NCR1: variants seen among roughly 807,000 people sequenced by gnomAD.
The protein encoded by NCR1 is NK cell-activating receptor.
Under a neutral mutation model 32.5 loss-of-function variants are expected in NCR1, and 30 were observed. The observed-to-expected ratio is 0.92, with a 90% CI of 0.69 to 1.25. The LOEUF is 1.25. Among genes scored for constraint, NCR1 ranks in the 50% most tolerant of loss-of-function variants. NCR1 has a pLI of 0.00. For missense variants in NCR1, 369 were observed against 380.7 expected (o/e 0.97, Z 0.26); for synonymous variants, 169 against 143.4 (o/e 1.18, Z -1.28).
upstream of NCR1, among the ~76,000 whole-genome samples, chr19:54,903,549 T>G (rs1186625720): frequency 7.1e-6 from 1 of 140,512 alleles, no homozygotes; most frequent in Non-Finnish European, 1.5e-5. Context: ...TGTATGCATG[T>G]GTGTATATAT....
At chr19:54,936,510 T>C in the NCR1 span, 10 of 1,263,840 alleles carry the variant, frequency 7.9e-6, no homozygotes, top group South Asian at 1.2e-4. Flanking sequence ...CAAAAAGCTG[T>C]TTCACATTTA....
the NCR1 span, among the ~76,000 whole-genome samples, chr19:54,927,381 CAAAAAA>C: frequency 2.2e-5 from 3 of 138,772 alleles, no homozygotes; most frequent in African/African-American, 8.1e-5. Flanking sequence ...AACTCCGTCT[CAAAAAA>C]AAAAAAAGAA....
chr19:54,903,454 A>ATATATG (rs1285587105), upstream of NCR1, among the ~76,000 whole-genome samples: 21 of 117,316 alleles, frequency 1.8e-4, 1 homozygote, highest in Admixed American at 1.2e-3. Flanking sequence ...ATGTATATAC[A>ATATATG]TATATGTATG....
the NCR1 span, among the ~76,000 whole-genome samples, chr19:54,926,712 TCGAGAC>T: frequency 6.6e-6 from 1 of 151,914 alleles, no homozygotes; most frequent in South Asian, 2.1e-4. Flanking sequence ...GGTCAGGAGC[TCGAGAC>T]CAGCCTGGCC....
the NCR1 span, chr19:54,936,508 T>C: frequency 7.9e-7 from 1 of 1,266,104 alleles, no homozygotes; most frequent in African/African-American, 1.5e-5. Context: ...AACAAAAAGC[T>C]GTTTCACATT....
the NCR1 span, among the ~76,000 whole-genome samples, chr19:54,934,233 A>G: frequency 6.6e-6 from 1 of 151,650 alleles, no homozygotes; most frequent in Non-Finnish European, 1.5e-5. This position sits in a 1 kb window ranked among gnomAD's most constrained non-coding sequence, Gnocchi z 6.7. Context: ...GAGCCACCGC[A>G]CCCGGCCTGT....
the NCR1 span, chr19:54,924,008 C>T: frequency 1.1e-6 from 1 of 943,888 alleles, no homozygotes; most frequent in Non-Finnish European, 1.6e-6. Flanking sequence ...TGCTCTGTTG[C>T]CCAGGCTGGG....
At chr19:54,916,550 T>C (rs934604997), downstream of NCR1, among the ~76,000 whole-genome samples, 12 of 151,522 alleles carry the variant, frequency 7.9e-5, no homozygotes, top group African/African-American at 2.9e-4. Context: ...TCTCAGGTGA[T>C]CCACCCGCCT....
chr19:54,903,478 A>C (rs759986271), upstream of NCR1, among the ~76,000 whole-genome samples: 6 of 145,642 alleles, frequency 4.1e-5, 1 homozygote, highest in African/African-American at 1.5e-4. Flanking sequence ...ACACGGATAC[A>C]TGTATGTATA....
chr19:54,901,223 G>C (rs1007504614), upstream of NCR1, among the ~76,000 whole-genome samples: 3 of 151,252 alleles, frequency 2.0e-5, no homozygotes, highest in Admixed American at 2.0e-4. Context: ...TCGGGAGGCA[G>C]AGCTTGCAGT....
the NCR1 span, among the ~76,000 whole-genome samples, chr19:54,924,187 C>T: frequency 6.6e-6 from 1 of 152,094 alleles, no homozygotes; most frequent in African/African-American, 2.4e-5. Flanking sequence ...AGGCTGGTCT[C>T]GAACTTCTGG....
chr19:54,916,270 A>G (rs2068129351), downstream of NCR1: 1 of 149,466 alleles, frequency 6.7e-6, no homozygotes, highest in Admixed American at 6.8e-5. Context: ...TCGCCATCCC[A>G]TATATCAGAC....
rs587773697 is a variant in NCR1 at position 54,908,538 on chromosome 19, G to A, written c.356-707G>A. Among the ~76,000 whole-genome samples the A allele has an allele frequency of 3.7e-4, 57 of 152,144 alleles. 1 individual carries two copies. In the East Asian group the frequency reaches 9.7e-3, roughly 26 times the overall value. ...GACGGGGTGGCGGCCGGGCAGAGGG[G>A]CTCCTCACTTCCCAGACGGGGCGGC... On this transcript the variant is annotated intron_variant, in intron 3 of 6. Transcript: ENST00000291890.
At chr19:54,924,624 A>ATGTTT in the NCR1 span, among the ~76,000 whole-genome samples, 1 of 152,050 alleles carries the variant, frequency 6.6e-6, no homozygotes, top group Non-Finnish European at 1.5e-5. Context: ...ACATGCCTTT[A>ATGTTT]AAAAATAAAT....
upstream of NCR1, chr19:54,906,085 G>A (rs867797009): frequency 1.4e-5 from 20 of 1,445,016 alleles, no homozygotes; most frequent in African/African-American, 2.7e-4. Context: ...AAGCGCTCTG[G>A]TGATGGGCGC....
rs747495799 is a variant in NCR1, at chr19:54,912,237, C to A, written c.733+19C>A. The A allele has an allele frequency of 1.2e-6, 2 of 1,611,764 alleles. No homozygotes were observed. The highest frequency in any genetic ancestry group is 1.3e-5 in the African/African-American group (1 of 74,760). On this transcript the variant is annotated intron_variant, in intron 6 of 6. Coordinates refer to ENST00000291890, the MANE Select transcript of NCR1 (RefSeq NM_004829.7). ...CAGAAAGGTAAGTAGACAGCTGGGG[C>A]CATAGGCTCTGAAGGAAGGGGCTGG...
At chr19:54,899,667 C>T in the NCR1 span, among the ~76,000 whole-genome samples, 2 of 151,580 alleles carry the variant, frequency 1.3e-5, no homozygotes, top group African/African-American at 2.4e-5. Flanking sequence ...TTCTTGCCCC[C>T]CCAGAAAAGC....
chr19:54,923,766 G>C, the NCR1 span: 1 of 1,613,666 alleles, frequency 6.2e-7, no homozygotes, highest in South Asian at 1.1e-5. Context: ...CAGCACGGAG[G>C]TGCCGTTGCC....
At chr19:54,934,857 T>C in the NCR1 span, among the ~76,000 whole-genome samples, 1 of 151,928 alleles carries the variant, frequency 6.6e-6, no homozygotes, top group Non-Finnish European at 1.5e-5. This position sits in a 1 kb window ranked among gnomAD's most constrained non-coding sequence, Gnocchi z 6.7. Context: ...TTACAGGCAT[T>C]CGCCAATTTT....
Sources: allele counts gnomAD v4.1 joint callset (sites outside exome capture counted in the v4.1 genomes callset), GRCh38; gene constraint gnomAD v4.1.1; non-coding constraint Gnocchi (gnomAD v3.1); transcripts MANE v1.5; gene names NCBI Gene and HGNC (gene_info 2026-07-23, HGNC 2026-07-21).